TCEA1: variants seen among roughly 807,000 people sequenced by gnomAD.
TCEA1 encodes transcription elongation factor A1.
A neutral mutation model predicts 43.8 loss-of-function variants in TCEA1; 21 were observed. That is an observed-to-expected ratio of 0.48 (90% confidence interval 0.34 to 0.69). The LOEUF is 0.69. Among genes scored for constraint, TCEA1 ranks in the 30% least tolerant of loss-of-function variants. The pLI is 0.01. For synonymous variants in TCEA1, 104 were observed against 117.5 expected, an observed-to-expected ratio of 0.88 and a Z score of 0.75; for missense variants, 250 against 365.1, an observed-to-expected ratio of 0.68 and a Z score of 2.57.
chr8:53,974,761 C>T (rs2129299114), intron 8 of TCEA1, among the ~76,000 whole-genome samples: 2 of 152,178 alleles, frequency 1.3e-5, no homozygotes, highest in South Asian at 4.1e-4. Flanking sequence ...AGCTCCTGAC[C>T]TCAGGTGATC....
chr8:54,008,763 A>C (rs1399928502), intron 2 of TCEA1, among the ~76,000 whole-genome samples: 1 of 151,980 alleles, frequency 6.6e-6, no homozygotes, highest in East Asian at 1.9e-4. Context: ...CAACATCACT[A>C]ATCATTGGAG....
chr8:54,006,287 A>C (rs1804455413), intron 2 of TCEA1, among the ~76,000 whole-genome samples: 1 of 152,116 alleles, frequency 6.6e-6, no homozygotes, highest in Admixed American at 6.5e-5. Context: ...TATCTTATTC[A>C]TCTTTATAAA....
At chr8:54,016,441 C>T (rs773482672) in intron 1 of TCEA1, among the ~76,000 whole-genome samples, 2 of 151,978 alleles carry the variant, frequency 1.3e-5, no homozygotes, top group African/African-American at 2.4e-5. Flanking sequence ...GCACTCCAGC[C>T]GGGGTGACAG....
intron 8 of TCEA1, among the ~76,000 whole-genome samples, chr8:53,975,697 A>G (rs1016351442): frequency 1.3e-5 from 2 of 152,196 alleles, no homozygotes; most frequent in Non-Finnish European, 2.9e-5. Flanking sequence ...TCAAATTCTG[A>G]GAGTCAGAGA....
intron 8 of TCEA1, 63 bp from the exon 9 acceptor site, chr8:53,970,526 T>C: frequency 5.0e-6 from 4 of 793,942 alleles, no homozygotes; most frequent in South Asian, 4.9e-5. Context: ...ACCCAAATAA[T>C]GTTATACATA....
chr8:54,015,775 C>G (rs1055231970), intron 1 of TCEA1, among the ~76,000 whole-genome samples: 2 of 152,104 alleles, frequency 1.3e-5, no homozygotes, highest in Non-Finnish European at 2.9e-5. Context: ...AATAAAAAGA[C>G]AACCCAATTT....
At chr8:54,009,534 C>T (rs888270725) in intron 2 of TCEA1, among the ~76,000 whole-genome samples, 1 of 152,086 alleles carries the variant, frequency 6.6e-6, no homozygotes, top group East Asian at 1.9e-4. Flanking sequence ...ACGGATGGAA[C>T]TGAAGTTATG....
At chr8:54,001,774 TCAAA>T (rs958114873) in intron 2 of TCEA1, among the ~76,000 whole-genome samples, 7 of 152,132 alleles carry the variant, frequency 4.6e-5, no homozygotes, top group Non-Finnish European at 7.3e-5. Context: ...CCGCTTAGCC[TCAAA>T]CAAAACCTAT....
At position 53,993,744 on chromosome 8, in the gene TCEA1, T is replaced by C. The variant is rs61748783; in HGVS notation, c.244A>G (p.Thr82Ala). 17 of 1,612,460 alleles carry C rather than the reference T, an allele frequency of 1.1e-5. No individual in the cohort carries two copies. In the African/African-American group the frequency reaches 1.7e-4, roughly 16 times the overall value. ...TTCTTTTCGTCAAGGTCTTTCTCAG[T>C]TGATGGCCCATCTGAAAATTATGAA... ...SWKKLLDGPS[T>A]EKDLDEKKKE... The change falls in exon 4 of 10, where the codon ACT becomes GCT. Residue 82 changes from threonine to alanine, a missense_variant. Thr to Ala is a moderately conservative substitution (Grantham distance 58). Coordinates refer to ENST00000521604, the MANE Select transcript of TCEA1 (RefSeq NM_006756.4).
At chr8:53,970,001 C>A (rs1307704855) in intron 9 of TCEA1, among the ~76,000 whole-genome samples, 1 of 152,070 alleles carries the variant, frequency 6.6e-6, no homozygotes, top group Non-Finnish European at 1.5e-5. Flanking sequence ...ATCATTGGGT[C>A]TGATTTCAAC....
chr8:54,003,164 C>T, intron 2 of TCEA1: 1 of 417,180 alleles, frequency 2.4e-6, no homozygotes, highest in Non-Finnish European at 4.8e-6. Context: ...ATTTAAAACA[C>T]ACATATATAA....
At position 54,022,421 on chromosome 8, in the gene TCEA1, G is replaced by T; in HGVS notation, c.-296C>A. 2.1e-6 allele frequency: 1 copy of T among 467,488 alleles called. No homozygotes were observed. The highest frequency in any genetic ancestry group is 3.8e-6 in the Non-Finnish European group (1 of 262,990). The allele number at this position is 467,488 out of a possible 1,614,324, so 29.0% of individuals were successfully genotyped here. The stretch of plus-strand genomic sequence containing the variant: ...CCATGTTCCCGCCAGGCGGGCGTCG[G>T]GCTAGTGGGCAGGCGTGGCTTCCGG... On this transcript the variant is annotated 5_prime_UTR_variant, in exon 1 of 10. Coordinates refer to ENST00000521604, the MANE Select transcript of TCEA1 (RefSeq NM_006756.4).
At chr8:53,984,207 C>A (rs1168412573) in intron 7 of TCEA1, among the ~76,000 whole-genome samples, 156 bp downstream of exon 7, 1 of 152,230 alleles carries the variant, frequency 6.6e-6, no homozygotes, top group Non-Finnish European at 1.5e-5. Flanking sequence ...ACAAAAGACA[C>A]AATCACCTTA....
At chr8:53,973,178 G>A (rs890238372) in intron 8 of TCEA1, 31 of 516,828 alleles carry the variant, frequency 6.0e-5, no homozygotes, top group Non-Finnish European at 1.0e-4. Flanking sequence ...TCAGAAGGAC[G>A]ATGAAGAACA....
rs998745943 is a variant in TCEA1, at chr8:54,001,993, A to AC, written c.127-1944_127-1943insG. ...TGTCTCTACTAAAAAAAAAAAACAAAAAACAAACAAACAAACAAAAAACAA... is the reference window on the plus strand; with the variant it reads ...TGTCTCTACTAAAAAAAAAAAACAAACAAACAAACAAACAAACAAAAAACAA... On this transcript the variant is annotated intron_variant, in intron 2 of 9. Coordinates refer to ENST00000521604, the MANE Select transcript of TCEA1 (RefSeq NM_006756.4). Among the ~76,000 whole-genome samples the AC allele has an allele frequency of 3.2e-3, 486 of 150,378 alleles. 2 individuals carry two copies. The highest frequency in any genetic ancestry group is 0.012 in the African/African-American group (465 of 40,022).
chr8:53,981,935 T>TTC (rs1563473359), intron 7 of TCEA1, among the ~76,000 whole-genome samples: 2 of 148,504 alleles, frequency 1.3e-5, no homozygotes, highest in Non-Finnish European at 3.0e-5. Flanking sequence ...TTCTTTTTTT[T>TTC]TTTTTTTTTT....
chr8:53,968,187 C>A, intron 9 of TCEA1, 75 bp from the exon 10 acceptor site: 1 of 1,115,292 alleles, frequency 9.0e-7, no homozygotes, highest in Non-Finnish European at 1.3e-6. Context: ...ATACAGCATA[C>A]ACCTGATATT....
At chr8:53,992,450 TA>T (rs1666986987) in intron 4 of TCEA1, among the ~76,000 whole-genome samples, 1 of 151,806 alleles carries the variant, frequency 6.6e-6, no homozygotes, top group South Asian at 2.1e-4. Context: ...CCATCTCTAC[TA>T]AAAACACAAA....
At chr8:54,019,609 A>G (rs571141032) in intron 1 of TCEA1, among the ~76,000 whole-genome samples, 10 of 152,142 alleles carry the variant, frequency 6.6e-5, no homozygotes, top group Admixed American at 5.9e-4. Context: ...AATATAAAAC[A>G]TTAAAAAAGC....
Sources: allele counts gnomAD v4.1 joint callset (sites outside exome capture counted in the v4.1 genomes callset), GRCh38; gene constraint gnomAD v4.1.1; transcripts MANE v1.5; gene names NCBI Gene and HGNC (gene_info 2026-07-23, HGNC 2026-07-21).